The following RBMS3 variants were observed in gnomAD, a reference collection of about 807,000 sequenced individuals.
The protein encoded by RBMS3 is RNA binding motif single stranded interacting protein 3, also known as RNA-binding motif, single-stranded-interacting protein 3.
A neutral mutation model predicts 66.8 loss-of-function variants in RBMS3; 27 were observed. The observed-to-expected ratio is 0.40, with a 90% CI of 0.30 to 0.56. The LOEUF is 0.56. RBMS3 is among the 20% of genes least tolerant of loss of function. RBMS3 has a pLI of 0.40. For missense variants in RBMS3, 513 were observed against 549.5 expected (o/e 0.93, Z 0.66); for synonymous variants, 188 against 183.0 (o/e 1.03, Z -0.22).
At chr3:29,703,453 A>G (rs1438572858) in intron 4 of RBMS3, among the ~76,000 whole-genome samples, 1 of 152,226 alleles carries the variant, frequency 6.6e-6, no homozygotes, top group African/African-American at 2.4e-5. Context: ...CTATTTAAGG[A>G]GAACATCTGA....
intron 4 of RBMS3, among the ~76,000 whole-genome samples, chr3:29,612,819 A>T (rs1388897237): frequency 1.3e-5 from 2 of 152,174 alleles, no homozygotes; most frequent in Admixed American, 1.3e-4. Flanking sequence ...GGAGAATTAT[A>T]TTCCAAACAT....
At chr3:29,351,910 A>G (rs894221269) in intron 1 of RBMS3, among the ~76,000 whole-genome samples, 6 of 152,204 alleles carry the variant, frequency 3.9e-5, no homozygotes, top group Non-Finnish European at 8.8e-5. Context: ...GCATACACAC[A>G]CACACGTACC....
chr3:29,445,797 T>C lies in RBMS3; in HGVS notation c.248+10882T>C, dbSNP rs185584553. ...ACAAATTTTTGTTTTATTTCTTATC[T>C]GTTGTCATATTCGTTATATCTCTAA... is the stretch of plus-strand genomic sequence containing the variant. On this transcript the variant is annotated intron_variant, in intron 2 of 14. Transcript: ENST00000383767. Among the ~76,000 whole-genome samples the C allele has an allele frequency of 3.2e-3, 485 of 152,316 alleles. 2 individuals carry two copies. The highest frequency in any genetic ancestry group is 4.6e-3 in the Non-Finnish European group (310 of 68,000).
At chr3:29,849,317 C>T (rs1343814170) in intron 6 of RBMS3, among the ~76,000 whole-genome samples, 1 of 151,742 alleles carries the variant, frequency 6.6e-6, no homozygotes, top group Non-Finnish European at 1.5e-5. Flanking sequence ...AGTTCAAGAC[C>T]AGCCTGGCCA....
chr3:29,913,746 G>GGTT (rs2060572910), intron 10 of RBMS3, among the ~76,000 whole-genome samples: 1 of 151,830 alleles, frequency 6.6e-6, no homozygotes, highest in African/African-American at 2.4e-5. Context: ...AACCATTTCT[G>GGTT]CATAACAATG....
chr3:29,317,119 T>C (rs932015210), intron 1 of RBMS3, among the ~76,000 whole-genome samples: 3 of 151,734 alleles, frequency 2.0e-5, no homozygotes, highest in African/African-American at 4.8e-5. Flanking sequence ...GAAAAAGCCT[T>C]AAGTCAAAAT....
At chr3:29,846,664 T>C (rs2058785921) in intron 6 of RBMS3, among the ~76,000 whole-genome samples, 1 of 152,194 alleles carries the variant, frequency 6.6e-6, no homozygotes, top group Non-Finnish European at 1.5e-5. Context: ...GTTTAAAGCA[T>C]CTTAGTTTAG....
At chr3:29,442,362 A>T (rs1291854656) in intron 2 of RBMS3, among the ~76,000 whole-genome samples, 1 of 152,090 alleles carries the variant, frequency 6.6e-6, no homozygotes, top group Non-Finnish European at 1.5e-5. Context: ...ACTTTGAAGA[A>T]TTTTCTGCTG....
intron 4 of RBMS3, among the ~76,000 whole-genome samples, chr3:29,704,378 A>G (rs1260666436): frequency 2.0e-5 from 3 of 152,222 alleles, no homozygotes; most frequent in Non-Finnish European, 2.9e-5. Flanking sequence ...GTTTCATTGG[A>G]TAAGTGTTTC....
At chr3:29,754,691 A>G (rs138694982) in intron 5 of RBMS3, among the ~76,000 whole-genome samples, 92 of 152,378 alleles carry the variant, frequency 6.0e-4, no homozygotes, top group African/African-American at 2.1e-3. Context: ...CCAGGAGCCT[A>G]GATTCATGTT....
intron 3 of RBMS3, among the ~76,000 whole-genome samples, chr3:29,539,718 T>C (rs1484521171): frequency 6.6e-6 from 1 of 152,226 alleles, no homozygotes; most frequent in Admixed American, 6.5e-5. Context: ...AATGTTATTC[T>C]ATTTTTCCCC....
At chr3:29,577,684 A>G (rs1476468862) in intron 3 of RBMS3, among the ~76,000 whole-genome samples, 1 of 152,110 alleles carries the variant, frequency 6.6e-6, no homozygotes, top group Non-Finnish European at 1.5e-5. Flanking sequence ...TTTGCTCTCC[A>G]CTGTGGCAGG....
At chr3:29,937,200 C>G (rs2061288858) in intron 11 of RBMS3, among the ~76,000 whole-genome samples, 1 of 151,940 alleles carries the variant, frequency 6.6e-6, no homozygotes, top group Non-Finnish European at 1.5e-5. Context: ...TATCTCTAGT[C>G]TGAATTTTTT....
At chr3:29,821,035 G>A (rs1308257925) in intron 6 of RBMS3, among the ~76,000 whole-genome samples, 2 of 152,126 alleles carry the variant, frequency 1.3e-5, no homozygotes, top group East Asian at 3.9e-4. Context: ...TTTATGACTG[G>A]AATACACTGG....
chr3:29,497,969 A>ATCC (rs1553611689), intron 3 of RBMS3, among the ~76,000 whole-genome samples: 1 of 59,280 alleles, frequency 1.7e-5, no homozygotes, highest in Non-Finnish European at 3.4e-5. Context: ...CTCTAAAAGT[A>ATCC]TTCATTTTTT....
At chr3:29,779,706 A>AATATATATAT (rs566888716) in intron 6 of RBMS3, among the ~76,000 whole-genome samples, 4,035 of 106,936 alleles carry the variant, frequency 0.038, 274 homozygotes, top group African/African-American at 0.095. Context: ...ATTAAGATGA[A>AATATATATAT]ATATATATAT....
chr3:29,545,326 ACT>A (rs2045913445), intron 3 of RBMS3, among the ~76,000 whole-genome samples: 1 of 152,138 alleles, frequency 6.6e-6, no homozygotes. Flanking sequence ...TTTTCTTAAA[ACT>A]CTATGATGTT....
At chr3:29,596,797 A>AT (rs1284148693) in intron 4 of RBMS3, among the ~76,000 whole-genome samples, 5 of 152,228 alleles carry the variant, frequency 3.3e-5, no homozygotes, top group Non-Finnish European at 7.3e-5. Context: ...CCTGATATAC[A>AT]TAGTGGGGCT....
At chr3:29,983,898 C>A (rs1698182104) in intron 12 of RBMS3, among the ~76,000 whole-genome samples, 1 of 151,996 alleles carries the variant, frequency 6.6e-6, no homozygotes, top group Non-Finnish European at 1.5e-5. Context: ...CTTGGGGTTG[C>A]TCTTCTTGAG....
Sources: allele counts gnomAD v4.1 joint callset (sites outside exome capture counted in the v4.1 genomes callset), GRCh38; gene constraint gnomAD v4.1.1; transcripts MANE v1.5; gene names NCBI Gene and HGNC (gene_info 2026-07-23, HGNC 2026-07-21).